The following PITPNC1 variants were observed in gnomAD, a reference collection of about 807,000 sequenced individuals.
PITPNC1 encodes the protein phosphatidylinositol transfer protein cytoplasmic 1, also known as cytoplasmic phosphatidylinositol transfer protein 1.
A neutral mutation model predicts 44.7 loss-of-function variants in PITPNC1; 18 were observed. That is an observed-to-expected ratio of 0.40 (90% confidence interval 0.28 to 0.60). The LOEUF (loss-of-function observed/expected upper bound fraction) is 0.60. Ranked by LOEUF, PITPNC1 falls within the 20% of genes least tolerant of loss-of-function variation. PITPNC1 has a pLI of 0.39. For missense variants in PITPNC1, 290 were observed against 418.4 expected, an observed-to-expected ratio of 0.69 and a Z score of 2.68; for synonymous variants, 141 against 149.6, an observed-to-expected ratio of 0.94 and a Z score of 0.42.
At chr17:67,418,632 C>T (rs1249347181) in intron 1 of PITPNC1, among the ~76,000 whole-genome samples, 2 of 152,018 alleles carry the variant, frequency 1.3e-5, no homozygotes, top group African/African-American at 4.8e-5. Flanking sequence ...CTTGTCTCGG[C>T]TCACTGCAAC....
At chr17:67,614,883 C>T (rs8077398) in intron 5 of PITPNC1, among the ~76,000 whole-genome samples, 2,896 of 152,032 alleles carry the variant, frequency 0.019, 86 homozygotes, top group African/African-American at 0.062. Context: ...ACATCACAGA[C>T]GCCAGAATTG....
At chr17:67,558,040 T>C (rs1421150808) in intron 4 of PITPNC1, among the ~76,000 whole-genome samples, 1 of 152,150 alleles carries the variant, frequency 6.6e-6, no homozygotes, top group Non-Finnish European at 1.5e-5. Flanking sequence ...CACGAGGATG[T>C]CTATACTAGG....
chr17:67,496,209 A>G (rs983899906), intron 1 of PITPNC1, among the ~76,000 whole-genome samples: 1 of 152,202 alleles, frequency 6.6e-6, no homozygotes, highest in Non-Finnish European at 1.5e-5. Flanking sequence ...TTTTTAAAAT[A>G]TCATCCCTCT....
rs1374813320 is a variant in PITPNC1 at position 67,631,635 on chromosome 17, C to CAAAAAAAA, written c.367-492_367-485dup. ...AAGAGTGAGACTCCGTCTCAAAAACCAAAAAAAAAAAAAAAAAAAAAAATA... is the reference window on the plus strand; with the variant it reads ...AAGAGTGAGACTCCGTCTCAAAAACCAAAAAAAAAAAAAAAAAAAAAAAAAAAAAAATA... On this transcript the variant is annotated intron_variant, in intron 5 of 8. Transcript: ENST00000581322. Among the ~76,000 whole-genome samples the CAAAAAAAA allele has an allele frequency of 7.0e-4, 11 of 15,760 alleles. 5 individuals are homozygous for CAAAAAAAA. The highest frequency in any genetic ancestry group is 1.9e-3 in the East Asian group (2 of 1,066). 10.3% of individuals were successfully genotyped at this position (15,760 alleles called of 152,430 possible).
At chr17:67,626,962 T>C (rs1464256317) in intron 5 of PITPNC1, among the ~76,000 whole-genome samples, 1 of 152,182 alleles carries the variant, frequency 6.6e-6, no homozygotes, top group Non-Finnish European at 1.5e-5. Context: ...CTCTAATCAC[T>C]GGGAGATTCA....
At chr17:67,650,382 A>G (rs1441449996) in intron 6 of PITPNC1, among the ~76,000 whole-genome samples, 1 of 136,692 alleles carries the variant, frequency 7.3e-6, no homozygotes, top group Non-Finnish European at 1.5e-5. Context: ...GCAAGTTCTC[A>G]TTTGCTTTCA....
chr17:67,560,651 C>T (rs934726062), intron 4 of PITPNC1, among the ~76,000 whole-genome samples: 2 of 152,242 alleles, frequency 1.3e-5, no homozygotes, highest in African/African-American at 4.8e-5. Flanking sequence ...CTCAGCACCC[C>T]AATTAGTGCC....
At chr17:67,423,312 T>C (rs2038697666) in intron 1 of PITPNC1, among the ~76,000 whole-genome samples, 1 of 152,194 alleles carries the variant, frequency 6.6e-6, no homozygotes, top group Non-Finnish European at 1.5e-5. Context: ...CTGACAGATA[T>C]TGGAAACATG....
intron 1 of PITPNC1, among the ~76,000 whole-genome samples, chr17:67,435,562 T>C (rs2038925896): frequency 6.6e-6 from 1 of 152,160 alleles, no homozygotes; most frequent in South Asian, 2.1e-4. Flanking sequence ...ACACAAATAA[T>C]ACAGTTTCAG....
chr17:67,631,870 A>G (rs2041976435), intron 5 of PITPNC1, among the ~76,000 whole-genome samples: 1 of 149,168 alleles, frequency 6.7e-6, no homozygotes, highest in Non-Finnish European at 1.5e-5. Flanking sequence ...GAAGAGATTA[A>G]TTTCCTCACT....
chr17:67,666,663 G>A (rs2042427248), intron 6 of PITPNC1, among the ~76,000 whole-genome samples: 1 of 152,216 alleles, frequency 6.6e-6, no homozygotes, highest in Non-Finnish European at 1.5e-5. Context: ...AGATTGAGAA[G>A]AGGCAGGAGG....
At chr17:67,453,920 G>T (rs895023408) in intron 1 of PITPNC1, among the ~76,000 whole-genome samples, 13 of 152,094 alleles carry the variant, frequency 8.5e-5, no homozygotes, top group Non-Finnish European at 1.8e-4. Context: ...CCCTTGATTT[G>T]TTGGGGAACT....
intron 1 of PITPNC1, among the ~76,000 whole-genome samples, chr17:67,521,354 C>T (rs2040322496): frequency 6.6e-6 from 1 of 152,158 alleles, no homozygotes; most frequent in African/African-American, 2.4e-5. Context: ...CATTCCCATA[C>T]CCTGGCATAA....
At chr17:67,683,882 G>T (rs545199652) in intron 8 of PITPNC1, among the ~76,000 whole-genome samples, 14 of 151,560 alleles carry the variant, frequency 9.2e-5, no homozygotes, top group Non-Finnish European at 1.9e-4. Flanking sequence ...GGAGGCTGAG[G>T]CGGGAGAATC....
At chr17:67,575,904 TCTCA>T (rs2041143057) in intron 4 of PITPNC1, among the ~76,000 whole-genome samples, 1 of 117,464 alleles carries the variant, frequency 8.5e-6, no homozygotes, top group Non-Finnish European at 1.7e-5. Context: ...TGAGACTGAG[TCTCA>T]CTCTGTTGCC....
At chr17:67,516,257 A>C (rs1179540118) in intron 1 of PITPNC1, among the ~76,000 whole-genome samples, 1 of 152,182 alleles carries the variant, frequency 6.6e-6, no homozygotes, top group Admixed American at 6.5e-5. Context: ...TCTGCATGTC[A>C]AACAAGTGGC....
intron 1 of PITPNC1, among the ~76,000 whole-genome samples, chr17:67,385,670 C>T (rs1382528719): frequency 2.6e-5 from 4 of 152,144 alleles, no homozygotes; most frequent in Non-Finnish European, 4.4e-5. Context: ...AAGAACCCAC[C>T]GGAAGGAACC....
At chr17:67,561,266 G>A (rs767331554) in intron 4 of PITPNC1, among the ~76,000 whole-genome samples, 5 of 152,172 alleles carry the variant, frequency 3.3e-5, no homozygotes, top group Non-Finnish European at 7.3e-5. Flanking sequence ...GGCAAGCCTG[G>A]CCAACATGGC....
intron 5 of PITPNC1, among the ~76,000 whole-genome samples, chr17:67,622,256 CAAA>C (rs536282843): frequency 5.4e-5 from 5 of 91,748 alleles, no homozygotes; most frequent in African/African-American, 1.1e-4. Flanking sequence ...GACTGCATCT[CAAA>C]AAAAAAAAAA....
Sources: allele counts gnomAD v4.1 joint callset (sites outside exome capture counted in the v4.1 genomes callset), GRCh38; gene constraint gnomAD v4.1.1; transcripts MANE v1.5; gene names NCBI Gene and HGNC (gene_info 2026-07-23, HGNC 2026-07-21).